The following MUC5AC variants were observed in gnomAD, a reference collection of about 807,000 sequenced individuals.
MUC5AC encodes the protein mucin-5AC.
In MUC5AC, 158 loss-of-function variants were observed where a neutral mutation model predicts 169.7. That is an observed-to-expected ratio of 0.93 (90% CI 0.82 to 1.06). MUC5AC has a LOEUF of 1.06. MUC5AC is among the 50% of genes least tolerant of loss of function. The probability of loss-of-function intolerance (pLI) is 0.00; values close to 1 mark genes in which losing one functional copy is unlikely to be tolerated. For missense variants in MUC5AC, 4,359 were observed against 3,089.9 expected (o/e 1.41, Z -9.74); for synonymous variants, 1,975 against 1,237.0 (o/e 1.60, Z -12.52).
chr11:1,161,070 C>T (rs972673246), intron 2 of MUC5AC, among the ~76,000 whole-genome samples: 1 of 152,222 alleles, frequency 6.6e-6, no homozygotes, highest in African/African-American at 2.4e-5. Context: ...CCCCATGTGG[C>T]TCGTGCTAGC....
chr11:1,175,427 G>A (rs1860645475), intron 19 of MUC5AC, among the ~76,000 whole-genome samples, 157 bp downstream of exon 19: 1 of 97,176 alleles, frequency 1.0e-5, no homozygotes, highest in Non-Finnish European at 2.0e-5. Flanking sequence ...CCTCTAGGCA[G>A]CAAGGGGGAA....
rs960950024 is a variant in MUC5AC at position 1,174,965 on chromosome 11, G to C, written c.2176G>C (p.Glu726Gln). Residue 726 changes from glutamate (E) to glutamine (Q), a missense_variant, in exon 18 of 49, where the codon GAG becomes CAG. Glu to Gln is a conservative substitution (Grantham distance 29). Transcript: ENST00000621226. ...TCQPTCRSLSEGDITCSVGFI... is the reference protein window; with the variant it reads ...TCQPTCRSLSQGDITCSVGFI... ...CCAGCCCACCTGCCGCTCCCTGAGC[G>C]AGGGGGACATCACCTGCAGTGTTGG... is the stretch of plus-strand genomic sequence containing the variant. 2.4e-6 allele frequency: 1 copy of C among 410,596 alleles called. No homozygotes were observed. 25.4% of individuals were successfully genotyped at this position (410,596 alleles called of 1,614,324 possible). A position where few individuals can be genotyped will look rare whatever the true frequency, so the allele number is the denominator to read the frequency against.
Position 1,176,528 on chromosome 11 carries a change from T to C in MUC5AC, c.2517T>C (p.Cys839=), listed in dbSNP as rs1860693284. 5.0e-6 allele frequency: 2 copies of C among 399,482 alleles called. No individual in the cohort carries two copies. The highest frequency in any genetic ancestry group is 7.1e-5 in the East Asian group (2 of 28,088). 24.7% of individuals were successfully genotyped at this position (399,482 alleles called of 1,614,324 possible). A position where few individuals can be genotyped will look rare whatever the true frequency, so the allele number is the denominator to read the frequency against. The part of the protein sequence containing the change: ...TLDMTCYSPQ[C]VPGCVCPDGL... ...TGGCCCTGCAGTACAGCCCCCAGTGTGTGCCTGGCTGCGTGTGCCCCGACG... is the reference window on the plus strand; with the variant it reads ...TGGCCCTGCAGTACAGCCCCCAGTGCGTGCCTGGCTGCGTGTGCCCCGACG... The change falls in exon 21 of 49, where the codon TGT becomes TGC. Residue 839 remains cysteine, a synonymous_variant. Transcript: ENST00000621226.
intron 5 of MUC5AC, 132 bp downstream of exon 5, chr11:1,162,778 C>A: frequency 9.9e-7 from 1 of 1,006,400 alleles, no homozygotes; most frequent in Non-Finnish European, 1.5e-6. Flanking sequence ...ACACAGCAGG[C>A]AAGAACAGGT....
In MUC5AC at chr11:1,164,481, C is replaced by T. The variant is rs765688919; in HGVS notation, c.1078C>T (p.His360Tyr). Residue 360 changes from histidine (H) to tyrosine (Y), a missense_variant, in exon 9 of 49, where the codon CAC (histidine) becomes TAC (tyrosine). By Grantham distance (83) the His-to-Tyr change is moderately conservative. Coordinates refer to ENST00000621226, the MANE Select transcript of MUC5AC (RefSeq NM_001304359.2). The stretch of plus-strand genomic sequence containing the variant: ...CGCAGACACCTGCTCCAACCAGGAG[C>T]ACTCCCGGGCCTGTGAGGACCACTG... ...PCADTCSNQEHSRACEDHCVA... is the reference protein window; with the variant it reads ...PCADTCSNQEYSRACEDHCVA... The T allele has an allele frequency of 6.2e-7, 1 of 1,611,876 alleles. No homozygotes were observed. Among genetic ancestry groups the T allele is most frequent in the Admixed American group, 1.7e-5 (1 of 59,904 alleles).
chr11:1,192,479 C>T lies in MUC5AC; in HGVS notation c.14334C>T (p.Ser4778=), dbSNP rs1861148366. The T allele has an allele frequency of 1.3e-6, 1 of 765,146 alleles. No homozygotes were observed. The highest frequency in any genetic ancestry group is 2.4e-5 in the East Asian group (1 of 41,258). 47.4% of individuals were successfully genotyped at this position (765,146 alleles called of 1,614,324 possible). ...TGGCATCCAGCTCTGTGGCTTACTC[C>T]ACCCAAACCTGCTTCTGCAACGTGG... The part of the protein sequence containing the change: ...SSVASSSVAY[S]TQTCFCNVAD... The change falls in exon 31 of 49, where the codon TCC becomes TCT. Residue 4778 remains serine (S), a synonymous_variant. Coordinates refer to ENST00000621226, the MANE Select transcript of MUC5AC (RefSeq NM_001304359.2).
chr11:1,165,344 T>C lies in MUC5AC; in HGVS notation c.1172T>C (p.Val391Ala), dbSNP rs932076345. Reference protein sequence around the residue: ...DDIGQTGCVPVSKCACVYNGA... With the variant: ...DDIGQTGCVPASKCACVYNGA... ...ATCGGCCAGACCGGCTGTGTCCCTG[T>C]GTCAAAGTGTGCCTGCGTCTACAAC... The change falls in exon 10 of 49, where the codon GTG becomes GCG. Residue 391 changes from valine to alanine, a missense_variant. By Grantham distance (64) the Val-to-Ala change is moderately conservative. Transcript: ENST00000621226. The C allele has an allele frequency of 1.2e-6, 2 of 1,612,406 alleles. No individual in the cohort carries two copies. The highest frequency in any genetic ancestry group is 1.7e-6 in the Non-Finnish European group (2 of 1,179,730).
chr11:1,170,585 T>TCACC (rs1860480965), intron 15 of MUC5AC, among the ~76,000 whole-genome samples: 1 of 99,256 alleles, frequency 1.0e-5, no homozygotes, highest in Non-Finnish European at 2.0e-5. Context: ...ACTCACCTAC[T>TCACC]CACTCACTCA....
At position 1,174,546 on chromosome 11, in the gene MUC5AC, C is replaced by A. The variant is rs972486414; in HGVS notation, c.2016C>A (p.Cys672Ter). 1.2e-5 allele frequency: 19 copies of A among 1,563,098 alleles called. No homozygotes were observed. Among genetic ancestry groups the A allele is most frequent in the Non-Finnish European group, 1.5e-5 (17 of 1,156,250 alleles). ...GTGAGCGGAGCGAGGACTGCCTGTG[C>A]GCCGCGCTGTCCTCCTACGTGCACG... ...CNCERSEDCLCAALSSYVHAC... is the reference protein window; with the variant it reads ...CNCERSEDCL The change falls in exon 17 of 49, where the codon TGC becomes TGA. Residue 672 changes from cysteine to a stop codon, truncating the protein, a stop_gained. Transcript: ENST00000621226. LOFTEE classifies it high-confidence loss of function.
rs28663568 is a variant in MUC5AC at position 1,168,000 on chromosome 11, T to A, written c.1497+13T>A. The A allele has an allele frequency of 6.5e-7, 1 of 1,547,630 alleles. No homozygotes were observed. The highest frequency in any genetic ancestry group is 1.2e-5 in the South Asian group (1 of 84,008). On this transcript the variant is annotated intron_variant, in intron 12 of 48. Transcript: ENST00000621226. ...TGGGGCGCAGACGGTGAGTGGAGCCTGGCAGGGCAAACCCCGGGAAGAGGG... is the reference window on the plus strand; with the variant it reads ...TGGGGCGCAGACGGTGAGTGGAGCCAGGCAGGGCAAACCCCGGGAAGAGGG...
chr11:1,188,883 G>A lies in MUC5AC; in HGVS notation c.10738G>A (p.Glu3580Lys), dbSNP rs1196111671. Residue 3580 changes from glutamate (E) to lysine (K), a missense_variant, in exon 31 of 49, where the codon GAA becomes AAA. Coordinates refer to ENST00000621226, the MANE Select transcript of MUC5AC (RefSeq NM_001304359.2). ...CAAGAGCCACCCGGAGGTGAGCATC[G>A]AACACCTGGGCCAGGTGGTGCAGTG... ...RAKSHPEVSI[E>K]HLGQVVQCSR... 3.3e-5 allele frequency: 25 copies of A among 763,550 alleles called. No homozygotes were observed. The highest frequency in any genetic ancestry group is 2.3e-4 in the Middle Eastern group (1 of 4,432). 47.3% of individuals were successfully genotyped at this position (763,550 alleles called of 1,614,324 possible).
chr11:1,175,934 CATA>C (rs1860672893), intron 19 of MUC5AC, among the ~76,000 whole-genome samples: 1 of 97,834 alleles, frequency 1.0e-5, no homozygotes, highest in Non-Finnish European at 2.4e-5. Context: ...CACACACACT[CATA>C]CTCATGCACA....
Position 1,190,076 on chromosome 11 carries a change from G to A in MUC5AC, c.11931G>A (p.Lys3977=), listed in dbSNP as rs1288583231. The part of the protein sequence containing the change: ...FPSPGPHGGD[K]ETYNNIIRSG... Reference sequence around the variant, plus strand: ...CCCCTGGACCCCACGGTGGGGACAAGGAAACCTACAACAACATCATCAGGA... The same window carrying A: ...CCCCTGGACCCCACGGTGGGGACAAAGAAACCTACAACAACATCATCAGGA... Residue 3977 remains lysine, a synonymous_variant, in exon 31 of 49, where the codon AAG becomes AAA. Coordinates refer to ENST00000621226, the MANE Select transcript of MUC5AC (RefSeq NM_001304359.2). 2.6e-6 allele frequency: 2 copies of A among 764,042 alleles called. No homozygotes were observed. Among genetic ancestry groups the A allele is most frequent in the South Asian group, 1.3e-5 (1 of 74,464 alleles). The allele number at this position is 764,042 out of a possible 1,614,324, so 47.3% of individuals were successfully genotyped here.
At chr11:1,167,774 G>A in intron 11 of MUC5AC, 103 bp from the exon 12 acceptor site, 1 of 994,326 alleles carries the variant, frequency 1.0e-6, no homozygotes, top group Non-Finnish European at 1.5e-6. Flanking sequence ...GTGGAGTGGG[G>A]TTTTCTAGTG....
At chr11:1,172,149 C>T (rs941822296) in intron 15 of MUC5AC, among the ~76,000 whole-genome samples, 56 of 152,326 alleles carry the variant, frequency 3.7e-4, no homozygotes, top group African/African-American at 1.3e-3. Flanking sequence ...TGGTCACTAG[C>T]GTCCCTGGAA....
Position 1,196,619 on chromosome 11 carries a change from C to T in MUC5AC, c.15728C>T (p.Ala5243Val). 1 of 761,732 alleles carries T rather than the reference C, an allele frequency of 1.3e-6. No homozygotes were observed. Among genetic ancestry groups the T allele is most frequent in the South Asian group, 1.4e-5 (1 of 74,034 alleles). The allele number at this position is 761,732 out of a possible 1,614,324, so 47.2% of individuals were successfully genotyped here. Residue 5243 changes from alanine to valine, a missense_variant and splice_region_variant, in exon 39 of 49, where the codon GCT (alanine) becomes GTT (valine). Coordinates refer to ENST00000621226, the MANE Select transcript of MUC5AC (RefSeq NM_001304359.2). ...CACCAACCCTATGCTCTCTACAGGG[C>T]TCTGCCGGAGGCCGGCCCCATCACC... ...CYGNDSASLG[A>V]LPEAGPITEG...
rs201608145 is a variant in MUC5AC, at chr11:1,165,789, C to T, written c.1386+29C>T. 1,959 of 1,609,584 alleles carry T rather than the reference C, an allele frequency of 1.2e-3. 29 individuals carry two copies. Among genetic ancestry groups the T allele is most frequent in the South Asian group, 3.6e-3 (326 of 91,014 alleles). ...CGGCCTGGCTGCCTGGGGTGCTCGC[C>T]GGACAGAGGGGGCCCATGGCCAGCC... is the stretch of plus-strand genomic sequence containing the variant. On this transcript the variant is annotated intron_variant, in intron 11 of 48. Coordinates refer to ENST00000621226, the MANE Select transcript of MUC5AC (RefSeq NM_001304359.2).
Position 1,180,105 on chromosome 11 carries a change from C to G in MUC5AC, c.3568C>G (p.Arg1190Gly), listed in dbSNP as rs1025453081. Residue 1190 changes from arginine (R) to glycine (G), a missense_variant, in exon 27 of 49, where the codon CGG (arginine) becomes GGG (glycine). Coordinates refer to ENST00000621226, the MANE Select transcript of MUC5AC (RefSeq NM_001304359.2). Reference sequence around the variant, plus strand: ...CGGGGTGCCCTGCCTGCGCACCTGCCGGAACCCCCGTGGAGACTGCCTGCG... The same window carrying G: ...CGGGGTGCCCTGCCTGCGCACCTGCGGGAACCCCCGTGGAGACTGCCTGCG... ...PCGVPCLRTCRNPRGDCLRDV... is the reference protein window; with the variant it reads ...PCGVPCLRTCGNPRGDCLRDV... 3 of 398,986 alleles carry G rather than the reference C, an allele frequency of 7.5e-6. No homozygotes were observed. Among genetic ancestry groups the G allele is most frequent in the Non-Finnish European group, 1.3e-5 (3 of 226,236 alleles). The allele number at this position is 398,986 out of a possible 1,614,324, so 24.7% of individuals were successfully genotyped here.
chr11:1,167,413 G>A (rs1414682885), intron 11 of MUC5AC, among the ~76,000 whole-genome samples: 1 of 152,226 alleles, frequency 6.6e-6, no homozygotes, highest in African/African-American at 2.4e-5. Flanking sequence ...ACCCTGCGCT[G>A]GGGTGGAGGC....
Sources: gnomAD v4.1 joint callset for allele counts (sites outside exome capture counted in the v4.1 genomes callset) on GRCh38, gnomAD v4.1.1 for gene constraint, MANE v1.5 for transcripts, NCBI Gene and HGNC (gene_info 2026-07-23, HGNC 2026-07-21) for gene names.